The following TNS1 variants were observed in gnomAD, a reference collection of about 807,000 sequenced individuals.
TNS1 encodes tensin 1.
Under a neutral mutation model 168.6 loss-of-function variants are expected in TNS1, and 62 were observed. The ratio of observed to expected loss-of-function variants is 0.37; its 90% CI spans 0.30 to 0.45. The LOEUF (loss-of-function observed/expected upper bound fraction) is 0.45. Among genes scored for constraint, TNS1 ranks in the 20% least tolerant of loss-of-function variants. TNS1 has a pLI of 1.00. For missense variants in TNS1, 2,240 were observed against 2,339.4 expected (o/e 0.96, Z 0.88); for synonymous variants, 934 against 933.2 (o/e 1.00, Z -0.02).
In TNS1 at chr2:217,834,688, G is replaced by C. The variant is rs367982944; in HGVS notation, c.3280+403C>G. ...GCTAAATAGGTTGCCTGGAATGGAA[G>C]AGGTGTCTGGATGCAGGCAGAAATG... is the stretch of plus-strand genomic sequence containing the variant. On this transcript the variant is annotated intron_variant, in intron 21 of 32. Coordinates refer to ENST00000682258, the MANE Select transcript of TNS1 (RefSeq NM_001387777.1). 3.2e-4 allele frequency among the ~76,000 whole-genome samples: 49 copies of C among 152,326 alleles called. No homozygotes were observed. The East Asian group carries it at 5.4e-3, about 17-fold the overall frequency.
chr2:217,918,200 C>T (rs1955295411), intron 4 of TNS1, among the ~76,000 whole-genome samples: 1 of 152,170 alleles, frequency 6.6e-6, no homozygotes, highest in South Asian at 2.1e-4. Flanking sequence ...TTTTGGCAGG[C>T]TTACAGCATA....
At chr2:217,845,552 A>G (rs925504408) in intron 19 of TNS1, among the ~76,000 whole-genome samples, 14 of 152,212 alleles carry the variant, frequency 9.2e-5, no homozygotes, top group African/African-American at 2.9e-4. Flanking sequence ...TGTCCCCTCT[A>G]TACATTTCAT....
chr2:217,858,857 C>T lies in TNS1; in HGVS notation c.1430-9770G>A, dbSNP rs6725482. Among the ~76,000 whole-genome samples, 4 of 151,830 alleles carry T rather than the reference C, an allele frequency of 2.6e-5. No homozygotes were observed. The East Asian group carries it at 7.8e-4, about 30-fold the overall frequency. ...TTCACTTATCATCCTGCAGCTATGC[C>T]GTTCTTGAATGACATCACGGTGGCT... On this transcript the variant is annotated intron_variant, in intron 18 of 32. Transcript: ENST00000682258.
chr2:217,806,338 CAT>C (rs1559134759), intron 32 of TNS1, among the ~76,000 whole-genome samples: 1 of 152,248 alleles, frequency 6.6e-6, no homozygotes, highest in South Asian at 2.1e-4. Context: ...GAATTTTGCA[CAT>C]GAGATCCCTG....
At chr2:217,894,385 G>C (rs565670110) in intron 9 of TNS1, among the ~76,000 whole-genome samples, 1 of 152,192 alleles carries the variant, frequency 6.6e-6, no homozygotes, top group Non-Finnish European at 1.5e-5. Context: ...GTCCAGACGC[G>C]CTGGCCCATG....
chr2:217,878,053 C>T (rs899236252), intron 18 of TNS1, among the ~76,000 whole-genome samples: 5 of 152,276 alleles, frequency 3.3e-5, no homozygotes, highest in South Asian at 2.1e-4. Flanking sequence ...CTACCTATTT[C>T]GAGAGGCCTG....
intron 19 of TNS1, among the ~76,000 whole-genome samples, chr2:217,839,783 C>G (rs1198285844): frequency 6.6e-6 from 1 of 152,230 alleles, no homozygotes; most frequent in Non-Finnish European, 1.5e-5. Context: ...CTTCCGATTT[C>G]CAAAAGACTG....
intron 18 of TNS1, among the ~76,000 whole-genome samples, chr2:217,853,833 G>A (rs764590291): frequency 5.9e-5 from 9 of 152,198 alleles, no homozygotes; most frequent in African/African-American, 1.7e-4. Context: ...CCCACTCCCC[G>A]GGGCTCCCTC....
At chr2:217,894,039 T>C (rs757931020) in intron 9 of TNS1, among the ~76,000 whole-genome samples, 1 of 152,124 alleles carries the variant, frequency 6.6e-6, no homozygotes, top group African/African-American at 2.4e-5. Context: ...TGTTCATGAC[T>C]CTTTTCTAGG....
At position 217,813,251 on chromosome 2, in the gene TNS1, C is replaced by T. The variant is rs1271816622; in HGVS notation, c.4918G>A (p.Val1640Ile). The T allele has an allele frequency of 1.2e-5, 20 of 1,603,346 alleles. No homozygotes were observed. Among genetic ancestry groups the T allele is most frequent in the Non-Finnish European group, 1.7e-5 (20 of 1,174,344 alleles). The change falls in exon 27 of 33, where the codon GTC (valine) becomes ATC (isoleucine). Residue 1640 changes from valine to isoleucine, a missense_variant. Coordinates refer to ENST00000682258, the MANE Select transcript of TNS1 (RefSeq NM_001387777.1). This position sits in a 1 kb window ranked among gnomAD's most constrained non-coding sequence, Gnocchi z 4.0. ...HFLIETGPRG[V>I]KLKGCPNEPN... is the part of the protein sequence containing the mutation. ...TCATTGGGGCAGCCCTTGAGCTTGA[C>T]TCCTCTGGGGCCAGTCTCTATCAGA...
chr2:217,884,200 T>C (rs911143313), intron 16 of TNS1, among the ~76,000 whole-genome samples: 2 of 151,812 alleles, frequency 1.3e-5, no homozygotes, highest in Non-Finnish European at 2.9e-5. Flanking sequence ...GGCAGATGAA[T>C]GAATATGTGG....
chr2:217,869,461 A>G (rs115034629), intron 18 of TNS1, among the ~76,000 whole-genome samples: 2 of 152,148 alleles, frequency 1.3e-5, no homozygotes, highest in African/African-American at 4.8e-5. Context: ...CTGAATGGGG[A>G]AGCTGGAGGG....
chr2:217,957,935 T>C (rs1422276495), intron 3 of TNS1, among the ~76,000 whole-genome samples: 1 of 147,090 alleles, frequency 6.8e-6, no homozygotes, highest in Non-Finnish European at 1.5e-5. Context: ...CGGGGGTAGG[T>C]ACAAAGGAGT....
intron 24 of TNS1, among the ~76,000 whole-genome samples, chr2:217,816,302 AT>A (rs1941878238): frequency 6.6e-6 from 1 of 152,128 alleles, no homozygotes; most frequent in Non-Finnish European, 1.5e-5. Flanking sequence ...AGGATTCCAC[AT>A]TTTTCCTCTC....
chr2:217,849,197 T>A, intron 18 of TNS1, 110 bp from the exon 19 acceptor site: 1 of 1,307,670 alleles, frequency 7.6e-7, no homozygotes, highest in Non-Finnish European at 1.0e-6. Flanking sequence ...ATGCCCTGCA[T>A]CCTAAAACCT....
At chr2:217,835,560 T>C (rs1396838933) in intron 20 of TNS1, among the ~76,000 whole-genome samples, 2 of 152,206 alleles carry the variant, frequency 1.3e-5, no homozygotes, top group Admixed American at 1.3e-4. Flanking sequence ...CCCCATTGGT[T>C]GTTACTCATG....
intron 1 of TNS1, among the ~76,000 whole-genome samples, chr2:217,993,340 A>G (rs1958412044): frequency 6.6e-6 from 1 of 152,214 alleles, no homozygotes; most frequent in South Asian, 2.1e-4. Flanking sequence ...AGAAATTACA[A>G]AGAAGAAGAA....
chr2:217,959,815 G>C, intron 3 of TNS1, among the ~76,000 whole-genome samples: 1 of 151,866 alleles, frequency 6.6e-6, no homozygotes, highest in African/African-American at 2.4e-5. Context: ...ACGCCTCTGT[G>C]GGTGGAGGGA....
At chr2:217,917,719 T>C (rs1242240427) in intron 4 of TNS1, among the ~76,000 whole-genome samples, 1 of 150,748 alleles carries the variant, frequency 6.6e-6, no homozygotes, top group Admixed American at 6.7e-5. Context: ...TAGTCCCAGC[T>C]ACTCAGGAGG....
Sources: allele counts gnomAD v4.1 joint callset (sites outside exome capture counted in the v4.1 genomes callset), GRCh38; gene constraint gnomAD v4.1.1; non-coding constraint Gnocchi (gnomAD v3.1); transcripts MANE v1.5; gene names NCBI Gene and HGNC (gene_info 2026-07-23, HGNC 2026-07-21).